The following BDKRB2 variants were observed in gnomAD, a reference collection of about 807,000 sequenced individuals.
BDKRB2 encodes the protein bradykinin receptor B2, also known as B2 bradykinin receptor.
BDKRB2 carries 6 observed loss-of-function variants against 4.0 expected under a neutral mutation model. That is an observed-to-expected ratio of 1.49 (90% CI 0.81 to 2.93). The LOEUF (loss-of-function observed/expected upper bound fraction) is 2.93. Ranked by LOEUF, BDKRB2 falls within the 30% of genes most tolerant of loss-of-function variation. The pLI is 0.00. For synonymous variants in BDKRB2, 225 were observed against 215.3 expected, an observed-to-expected ratio of 1.05 and a Z score of -0.40; for missense variants, 478 against 520.1, an observed-to-expected ratio of 0.92 and a Z score of 0.79.
intron 1 of BDKRB2, among the ~76,000 whole-genome samples, chr14:96,220,799 A>T (rs1004692801): frequency 2.0e-5 from 3 of 151,954 alleles, no homozygotes; most frequent in African/African-American, 7.3e-5. Flanking sequence ...AAAAGCCAAG[A>T]TGAGATCTAT....
chr14:96,240,260 G>C (rs1464573002), intron 2 of BDKRB2, 143 bp from the exon 3 acceptor site: 2 of 1,332,084 alleles, frequency 1.5e-6, no homozygotes, highest in African/African-American at 1.5e-5. Context: ...ACTGGAGCGC[G>C]GGCTGCAGAA....
chr14:96,219,840 GAGA>G (rs1473831649), intron 1 of BDKRB2, among the ~76,000 whole-genome samples: 4 of 151,838 alleles, frequency 2.6e-5, no homozygotes, highest in African/African-American at 9.7e-5. Flanking sequence ...GGGTCTCCTA[GAGA>G]AGGTGACATC....
rs561269157 is a variant in BDKRB2, at chr14:96,212,767, C to A, written c.-40+7808C>A. ...CAGCACCCCCAGAAAGGTCTCCTTT[C>A]TACCCTGGCCCCCAGTTCTTTGATG... On this transcript the variant is annotated intron_variant, in intron 1 of 2. Coordinates refer to ENST00000554311, the MANE Select transcript of BDKRB2 (RefSeq NM_001379692.1). Among the ~76,000 whole-genome samples, 5 of 152,290 alleles carry A rather than the reference C, an allele frequency of 3.3e-5. 1 individual carries two copies. The South Asian group carries it at 8.3e-4, about 25-fold the overall frequency.
chr14:96,213,835 G>A (rs555126366), intron 1 of BDKRB2, among the ~76,000 whole-genome samples: 1 of 152,244 alleles, frequency 6.6e-6, no homozygotes, highest in African/African-American at 2.4e-5. Context: ...GACAGTTGAG[G>A]AAATGGTCCC....
chr14:96,238,707 G>C (rs977303150), intron 2 of BDKRB2: 1 of 977,166 alleles, frequency 1.0e-6, no homozygotes, highest in Non-Finnish European at 1.2e-6. Context: ...TGGTCCACTT[G>C]TCCTCCTTCT....
chr14:96,209,110 A>G lies in BDKRB2; in HGVS notation c.-40+4151A>G, dbSNP rs558711998. Among the ~76,000 whole-genome samples, 164 of 152,166 alleles carry G rather than the reference A, an allele frequency of 1.1e-3. 1 individual carries two copies. Among genetic ancestry groups the G allele is most frequent in the Middle Eastern group, 0.01 (3 of 294 alleles). On this transcript the variant is annotated intron_variant, in intron 1 of 2. Coordinates refer to ENST00000554311, the MANE Select transcript of BDKRB2 (RefSeq NM_001379692.1). ...GAAAGACCAAAATTTGTCATACTTT[A>G]GAATCACCTGGAGACTGGTCACCCA...
chr14:96,209,007 A>G (rs1444953416), intron 1 of BDKRB2, among the ~76,000 whole-genome samples: 1 of 152,126 alleles, frequency 6.6e-6, no homozygotes, highest in Non-Finnish European at 1.5e-5. Context: ...GGTTCTTATC[A>G]TGGTCATGAG....
intron 1 of BDKRB2, among the ~76,000 whole-genome samples, chr14:96,215,305 T>G (rs1890392434): frequency 6.6e-6 from 1 of 152,250 alleles, no homozygotes; most frequent in Non-Finnish European, 1.5e-5. Flanking sequence ...CATCCTTTTT[T>G]CATGTCTGCT....
intron 1 of BDKRB2, among the ~76,000 whole-genome samples, chr14:96,219,776 T>C (rs1002833897): frequency 6.6e-6 from 1 of 152,072 alleles, no homozygotes; most frequent in African/African-American, 2.4e-5. Context: ...CCATAAAGTG[T>C]GCTGACAGCC....
At chr14:96,240,259 C>T (rs989044616) in intron 2 of BDKRB2, 144 bp from the exon 3 acceptor site, 24 of 1,332,814 alleles carry the variant, frequency 1.8e-5, no homozygotes, top group African/African-American at 7.4e-5. Context: ...CACTGGAGCG[C>T]GGGCTGCAGA....
chr14:96,216,048 C>T (rs1890410065), intron 1 of BDKRB2, among the ~76,000 whole-genome samples: 1 of 152,194 alleles, frequency 6.6e-6, no homozygotes, highest in African/African-American at 2.4e-5. Flanking sequence ...AGGAGCCAAG[C>T]AGAGCATCTG....
chr14:96,210,161 A>T (rs762330706), intron 1 of BDKRB2, among the ~76,000 whole-genome samples: 1 of 152,154 alleles, frequency 6.6e-6, no homozygotes, highest in Non-Finnish European at 1.5e-5. Context: ...GTGAAATACA[A>T]CAGAGCTGCT....
intron 1 of BDKRB2, among the ~76,000 whole-genome samples, chr14:96,225,019 T>C (rs956711884): frequency 1.1e-4 from 16 of 150,828 alleles, no homozygotes; most frequent in Non-Finnish European, 1.6e-4. Context: ...CCACACCCAG[T>C]GAAGGGGAAC....
rs79280755 is a variant in BDKRB2 at position 96,207,270 on chromosome 14, A to G, written c.-40+2311A>G. Among the ~76,000 whole-genome samples the G allele has an allele frequency of 2.8e-3, 434 of 152,350 alleles. 13 individuals are homozygous for G. In the South Asian group the frequency reaches 0.047, roughly 16 times the overall value. On this transcript the variant is annotated intron_variant, in intron 1 of 2. Coordinates refer to ENST00000554311, the MANE Select transcript of BDKRB2 (RefSeq NM_001379692.1). Reference sequence around the variant, plus strand: ...GTTTGCTGAAATGCTGAATGGTTAAATGAATAAATAAATATTGCTCATATA... The same window carrying G: ...GTTTGCTGAAATGCTGAATGGTTAAGTGAATAAATAAATATTGCTCATATA...
intron 1 of BDKRB2, 132 bp from the exon 2 acceptor site, chr14:96,236,937 G>T: frequency 1.5e-6 from 1 of 652,312 alleles, no homozygotes; most frequent in Non-Finnish European, 2.8e-6. Flanking sequence ...GCACCGCTGT[G>T]TGGGAGCACT....
At chr14:96,211,668 C>T (rs1167661608) in intron 1 of BDKRB2, among the ~76,000 whole-genome samples, 2 of 152,184 alleles carry the variant, frequency 1.3e-5, no homozygotes, top group African/African-American at 2.4e-5. Flanking sequence ...TCCCTTCTCC[C>T]TCCTCCTCCC....
intron 1 of BDKRB2, among the ~76,000 whole-genome samples, chr14:96,219,457 C>T (rs551253013): frequency 6.6e-6 from 1 of 152,028 alleles, no homozygotes; most frequent in East Asian, 1.9e-4. Context: ...GCTGCTCTGC[C>T]CTATGCCCTT....
chr14:96,212,147 C>T (rs1372543666), intron 1 of BDKRB2, among the ~76,000 whole-genome samples: 5 of 152,158 alleles, frequency 3.3e-5, no homozygotes, highest in Admixed American at 6.5e-5. Flanking sequence ...GAAATGTTAC[C>T]ATGAGGATGC....
Position 96,208,803 on chromosome 14 carries a change from C to T in BDKRB2, c.-40+3844C>T, listed in dbSNP as rs538819337. 2.3e-4 allele frequency among the ~76,000 whole-genome samples: 35 copies of T among 152,320 alleles called. 1 individual carries two copies. The South Asian group carries it at 6.4e-3, about 28-fold the overall frequency. ...CAGGGCTCAAACTTTAGATTTACTC[C>T]GGCCTGTCCCATCCCATTCACTGCC... On this transcript the variant is annotated intron_variant, in intron 1 of 2. Transcript: ENST00000554311.
Sources: gnomAD v4.1 joint callset for allele counts (sites outside exome capture counted in the v4.1 genomes callset) on GRCh38, gnomAD v4.1.1 for gene constraint, MANE v1.5 for transcripts, NCBI Gene and HGNC (gene_info 2026-07-23, HGNC 2026-07-21) for gene names.